C10orf67: variants seen among roughly 807,000 people sequenced by gnomAD.
The protein encoded by C10orf67 is uncharacterized protein C10orf67, mitochondrial.
C10orf67 carries 60 observed loss-of-function variants against 35.6 expected under a neutral mutation model. The observed-to-expected ratio is 1.68, with a 90% confidence interval of 1.37 to 2.09. C10orf67 has a LOEUF of 2.09. Ranked by LOEUF, C10orf67 falls within the 30% of genes most tolerant of loss-of-function variation. C10orf67 has a pLI of 0.00. For missense variants in C10orf67, 474 were observed against 330.2 expected, an observed-to-expected ratio of 1.44 and a Z score of -3.38; for synonymous variants, 167 against 115.8, an observed-to-expected ratio of 1.44 and a Z score of -2.84.
At chr10:23,251,617 T>A (rs1842457440) in intron 10 of C10orf67, among the ~76,000 whole-genome samples, 1 of 152,194 alleles carries the variant, frequency 6.6e-6, no homozygotes, top group Non-Finnish European at 1.5e-5. Context: ...GTCTTCTGTC[T>A]CTTCATAAGG....
chr10:23,297,230 CCCTTTCCTTTCCTTT>C (rs55638393), intron 5 of C10orf67, among the ~76,000 whole-genome samples: 29,162 of 145,628 alleles, frequency 0.2, 3,156 homozygotes, highest in Admixed American at 0.3. Context: ...CTTTCTATTT[CCCTTTCCTTTCCTTT>C]CCTTTCCTTT....
intron 8 of C10orf67, among the ~76,000 whole-genome samples, chr10:23,267,891 A>G (rs528452765): frequency 4.6e-5 from 7 of 152,228 alleles, no homozygotes; most frequent in African/African-American, 7.2e-5. Context: ...ACAAGAGTGA[A>G]ACTCAGTCTC....
At chr10:23,207,987 C>G (rs557336035) in intron 15 of C10orf67, among the ~76,000 whole-genome samples, 15 of 152,314 alleles carry the variant, frequency 9.8e-5, no homozygotes, top group African/African-American at 3.4e-4. Flanking sequence ...TTCCCCACCC[C>G]CCTCTTTATG....
rs1325602731 is a variant in C10orf67 at position 23,267,212 on chromosome 10, C to CAT, written c.1016_1017dup (p.Gly340MetfsTer4). The stretch of plus-strand genomic sequence containing the variant: ...ATACAAACCTTTACACTTAAGCTGC[C>CAT]ATACTTTTTTCTCATTTCCTTGTCC... On this transcript the variant is annotated frameshift_variant, in exon 9 of 16. Coordinates refer to ENST00000636213, the MANE Select transcript of C10orf67 (RefSeq NM_001371909.1). LOFTEE classifies it high-confidence loss of function. The CAT allele has an allele frequency of 8.4e-6, 6 of 715,622 alleles. No homozygotes were observed. The Admixed American group carries it at 1.0e-4, about 12-fold the overall frequency. 44.3% of individuals were successfully genotyped at this position (715,622 alleles called of 1,614,324 possible).
Position 23,333,083 on chromosome 10 carries a change from T to C in C10orf67, c.306A>G (p.Ser102=). The C allele has an allele frequency of 6.2e-7, 1 of 1,612,328 alleles. No individual in the cohort carries two copies. Among genetic ancestry groups the C allele is most frequent in the African/African-American group, 1.3e-5 (1 of 75,036 alleles). ...TTACCTGTGCTAACTTTTGCGTAGA[T>C]GAACTCAATTCTTTTACTGACAGTA... ...SEILSVKELS[S]STQKLAQMMK... is the part of the protein sequence containing the mutation. The change falls in exon 2 of 16, where the codon TCA becomes TCG. Residue 102 remains serine, a synonymous_variant. Transcript: ENST00000636213.
At chr10:23,262,467 T>A (rs530172570) in intron 10 of C10orf67, among the ~76,000 whole-genome samples, 2 of 152,260 alleles carry the variant, frequency 1.3e-5, no homozygotes, top group South Asian at 2.1e-4. Flanking sequence ...CTCACATCTG[T>A]CCCAATGGCT....
intron 10 of C10orf67, among the ~76,000 whole-genome samples, chr10:23,253,058 T>G (rs1842502238): frequency 6.6e-6 from 1 of 151,552 alleles, no homozygotes; most frequent in Admixed American, 6.5e-5. Context: ...CCATGTAAGA[T>G]GTGACTTGCT....
At chr10:23,243,873 C>A (rs1356837839) in intron 12 of C10orf67, among the ~76,000 whole-genome samples, 1 of 152,034 alleles carries the variant, frequency 6.6e-6, no homozygotes, top group East Asian at 1.9e-4. Flanking sequence ...CTTCAACTTA[C>A]TGGAAATAAA....
intron 1 of C10orf67, among the ~76,000 whole-genome samples, chr10:23,341,063 C>T (rs1845864262): frequency 6.6e-6 from 1 of 152,128 alleles, no homozygotes; most frequent in South Asian, 2.1e-4. Context: ...ATATTGCTTC[C>T]TTTTACTCCT....
At chr10:23,307,551 A>T (rs1844333995) in intron 4 of C10orf67, among the ~76,000 whole-genome samples, 2 of 151,976 alleles carry the variant, frequency 1.3e-5, no homozygotes. Flanking sequence ...CCATATGACA[A>T]TATCCAATAT....
At chr10:23,265,158 G>C (rs1842853931) in intron 10 of C10orf67, among the ~76,000 whole-genome samples, 1 of 152,208 alleles carries the variant, frequency 6.6e-6, no homozygotes, top group Non-Finnish European at 1.5e-5. Flanking sequence ...AGAGGAGAAT[G>C]CTTTTTCTCT....
intron 8 of C10orf67, among the ~76,000 whole-genome samples, chr10:23,267,579 C>T (rs1842917950): frequency 6.6e-6 from 1 of 152,156 alleles, no homozygotes; most frequent in Non-Finnish European, 1.5e-5. Context: ...ATTAGTATAA[C>T]AGCTATAAAT....
At chr10:23,288,908 A>G (rs903589673) in intron 7 of C10orf67, among the ~76,000 whole-genome samples, 4 of 152,116 alleles carry the variant, frequency 2.6e-5, no homozygotes, top group African/African-American at 9.7e-5. Flanking sequence ...CTCTTGGAGT[A>G]TTTTTCAGTG....
At chr10:23,293,403 T>C (rs1190470596) in intron 5 of C10orf67, among the ~76,000 whole-genome samples, 2 of 152,198 alleles carry the variant, frequency 1.3e-5, no homozygotes, top group Admixed American at 6.5e-5. Context: ...ATTAGCAAAA[T>C]GAACAAAGGG....
chr10:23,336,491 GT>G (rs1293983909), intron 1 of C10orf67, among the ~76,000 whole-genome samples: 1 of 152,096 alleles, frequency 6.6e-6, no homozygotes, highest in Non-Finnish European at 1.5e-5. Context: ...TCAGATGTTG[GT>G]TTCTTTTCTT....
chr10:23,273,259 C>G (rs1474553770), intron 8 of C10orf67, among the ~76,000 whole-genome samples: 1 of 152,174 alleles, frequency 6.6e-6, no homozygotes, highest in Non-Finnish European at 1.5e-5. Context: ...TGTCATATTT[C>G]TGACTTCAGA....
Position 23,282,002 on chromosome 10 carries a change from A to T in C10orf67, c.975+11T>A, listed in dbSNP as rs1843380503. 1.7e-6 allele frequency: 1 copy of T among 597,648 alleles called. No homozygotes were observed. Among genetic ancestry groups the T allele is most frequent in the Non-Finnish European group, 3.0e-6 (1 of 331,380 alleles). 37.0% of individuals were successfully genotyped at this position (597,648 alleles called of 1,614,324 possible). A position where few individuals can be genotyped will look rare whatever the true frequency, so the allele number is the denominator to read the frequency against. On this transcript the variant is annotated intron_variant, in intron 8 of 15. Coordinates refer to ENST00000636213, the MANE Select transcript of C10orf67 (RefSeq NM_001371909.1). ...TTCAAATTTGTTAGGAAATAATGTA[A>T]ATCATCTTACCACATCCTGAACTAA...
intron 10 of C10orf67, among the ~76,000 whole-genome samples, chr10:23,261,093 T>C (rs1222829635): frequency 2.0e-5 from 3 of 152,336 alleles, no homozygotes; most frequent in Admixed American, 6.5e-5. Context: ...CTTTCAGCCA[T>C]TGGATTAACT....
At chr10:23,236,253 GAAAAAAAAAAAAAAAAA>G (rs368833212) in intron 13 of C10orf67, among the ~76,000 whole-genome samples, 3 of 75,802 alleles carry the variant, frequency 4.0e-5, no homozygotes, top group African/African-American at 1.8e-4. Context: ...CCTCTCGGGG[GAAAAAAAAAAAAAAAAA>G]AAAAAAAAAA....
Sources: allele counts gnomAD v4.1 joint callset (sites outside exome capture counted in the v4.1 genomes callset), GRCh38; gene constraint gnomAD v4.1.1; transcripts MANE v1.5; gene names NCBI Gene and HGNC (gene_info 2026-07-23, HGNC 2026-07-21).